The following PDE4D variants were observed in gnomAD, a reference collection of about 807,000 sequenced individuals.
PDE4D encodes the protein phosphodiesterase 4D.
A neutral mutation model predicts 87.4 loss-of-function variants in PDE4D; 24 were observed. That is an observed-to-expected ratio of 0.27 (90% CI 0.20 to 0.39). The LOEUF (loss-of-function observed/expected upper bound fraction) is 0.39, where lower values mean the gene tolerates loss of function less well. Among genes scored for constraint, PDE4D ranks in the 10% least tolerant of loss-of-function variants. The pLI, the probability that PDE4D is intolerant of heterozygous loss-of-function variation, is 1.00. For synonymous variants in PDE4D, 384 were observed against 383.2 expected, an observed-to-expected ratio of 1.00 and a Z score of -0.02; for missense variants, 714 against 1,041.0, an observed-to-expected ratio of 0.69 and a Z score of 4.32.
chr5:59,876,729 A>T (rs975554058), intron 1 of PDE4D, among the ~76,000 whole-genome samples: 1 of 152,184 alleles, frequency 6.6e-6, no homozygotes, highest in Admixed American at 6.5e-5. Context: ...ATGAGGAACA[A>T]TTGGGATAGT....
chr5:59,095,674 C>T (rs931196752), intron 5 of PDE4D, among the ~76,000 whole-genome samples: 1 of 152,036 alleles, frequency 6.6e-6, no homozygotes, highest in Admixed American at 6.5e-5. Context: ...CTAGAATTAC[C>T]CAGACTACCA....
chr5:59,735,347 A>C (rs192905308), intron 1 of PDE4D, among the ~76,000 whole-genome samples: 1 of 152,304 alleles, frequency 6.6e-6, no homozygotes, highest in East Asian at 1.9e-4. Context: ...AATTGTATTC[A>C]GGCAATCTGC....
chr5:59,407,065 G>T (rs936503052), intron 1 of PDE4D, among the ~76,000 whole-genome samples: 8 of 152,128 alleles, frequency 5.3e-5, no homozygotes, highest in Non-Finnish European at 1.0e-4. Context: ...ATTATAGGGT[G>T]GTGTTCCTTG....
At chr5:60,382,885 T>C (rs1309404758) in intron 1 of PDE4D, among the ~76,000 whole-genome samples, 1 of 152,158 alleles carries the variant, frequency 6.6e-6, no homozygotes, top group Non-Finnish European at 1.5e-5. Context: ...CTTCCTTCAA[T>C]GAAGAGTTCC....
At chr5:59,744,792 T>C (rs1404559377) in intron 1 of PDE4D, among the ~76,000 whole-genome samples, 2 of 152,170 alleles carry the variant, frequency 1.3e-5, no homozygotes, top group Non-Finnish European at 2.9e-5. Flanking sequence ...AGTAATCACA[T>C]ATCATGTGAC....
intron 1 of PDE4D, among the ~76,000 whole-genome samples, chr5:59,838,529 A>G (rs1325833179): frequency 6.6e-6 from 1 of 152,072 alleles, no homozygotes; most frequent in Non-Finnish European, 1.5e-5. Flanking sequence ...CCATCCTACT[A>G]GGCTAGTTTT....
In PDE4D at chr5:59,985,194, A is replaced by T. The variant is rs184025749; in HGVS notation, c.272+3294T>A. Among the ~76,000 whole-genome samples, 369 of 139,330 alleles carry T rather than the reference A, an allele frequency of 2.6e-3. 2 individuals carry two copies. The highest frequency in any genetic ancestry group is 4.0e-3 in the Non-Finnish European group (258 of 65,160). The allele number at this position is 139,330 out of a possible 152,430, so 91.4% of individuals were successfully genotyped here. ...CACTCTGTCGCCCAGGCTGGAGTGC[A>T]GTGGCGTAATCTCGGCTCACTGCAA... On this transcript the variant is annotated intron_variant, in intron 3 of 16. Coordinates refer to the PDE4D transcript ENST00000502484.
At chr5:59,628,432 A>T (rs1306015849) in intron 1 of PDE4D, among the ~76,000 whole-genome samples, 1 of 152,246 alleles carries the variant, frequency 6.6e-6, no homozygotes, top group Non-Finnish European at 1.5e-5. Flanking sequence ...ATAGCCACTA[A>T]TGGATATTTA....
At chr5:59,918,904 G>C (rs1016400866) in intron 3 of PDE4D, among the ~76,000 whole-genome samples, 1 of 152,140 alleles carries the variant, frequency 6.6e-6, no homozygotes, top group Non-Finnish European at 1.5e-5. Context: ...CTGACCCTTG[G>C]AAACTGTGAG....
At chr5:59,639,997 C>A (rs1741301636) in intron 1 of PDE4D, among the ~76,000 whole-genome samples, 1 of 150,596 alleles carries the variant, frequency 6.6e-6, no homozygotes, top group African/African-American at 2.4e-5. Context: ...TTATTATAAA[C>A]AATACTGAAT....
chr5:60,231,838 A>G (rs1745843281), intron 1 of PDE4D, among the ~76,000 whole-genome samples: 1 of 151,944 alleles, frequency 6.6e-6, no homozygotes, highest in Non-Finnish European at 1.5e-5. Flanking sequence ...TAAAATCAAG[A>G]TCACAGTTTA....
intron 1 of PDE4D, among the ~76,000 whole-genome samples, chr5:59,656,708 T>C (rs1374001322): frequency 6.6e-6 from 1 of 152,188 alleles, no homozygotes; most frequent in Non-Finnish European, 1.5e-5. Context: ...ATTATGGTAA[T>C]AATACTTATT....
intron 1 of PDE4D, among the ~76,000 whole-genome samples, chr5:59,633,818 A>C (rs186337831): frequency 6.6e-6 from 1 of 152,348 alleles, no homozygotes; most frequent in Non-Finnish European, 1.5e-5. Flanking sequence ...CACTATGAAG[A>C]AACTACATCA....
At chr5:59,647,860 A>C (rs1401400956) in intron 1 of PDE4D, among the ~76,000 whole-genome samples, 1 of 152,178 alleles carries the variant, frequency 6.6e-6, no homozygotes, top group Non-Finnish European at 1.5e-5. Flanking sequence ...ATATGATTTT[A>C]TTTTTATATA....
At chr5:59,696,522 G>A (rs975844057) in intron 1 of PDE4D, among the ~76,000 whole-genome samples, 2 of 152,154 alleles carry the variant, frequency 1.3e-5, no homozygotes, top group Admixed American at 6.5e-5. Context: ...TAAGAATGGC[G>A]CTAGTGGAGA....
intron 1 of PDE4D, among the ~76,000 whole-genome samples, chr5:60,391,897 C>T (rs1184113557): frequency 6.6e-6 from 1 of 152,090 alleles, no homozygotes; most frequent in Non-Finnish European, 1.5e-5. Flanking sequence ...CATGTTTAGC[C>T]CTTACCTTTA....
chr5:59,309,477 T>A (rs1388166160), intron 1 of PDE4D, among the ~76,000 whole-genome samples: 2 of 152,312 alleles, frequency 1.3e-5, no homozygotes, highest in South Asian at 4.1e-4. Flanking sequence ...GCTCTCCACA[T>A]TGACTCAGCT....
At chr5:60,286,377 C>A (rs1301666301) in intron 1 of PDE4D, among the ~76,000 whole-genome samples, 1 of 152,106 alleles carries the variant, frequency 6.6e-6, no homozygotes. Flanking sequence ...AAGTCAGGGC[C>A]ACTTTTTTCT....
chr5:59,926,860 T>C (rs1207515805), intron 3 of PDE4D, among the ~76,000 whole-genome samples: 2 of 152,098 alleles, frequency 1.3e-5, no homozygotes, highest in Non-Finnish European at 2.9e-5. Context: ...TAGTAAGTAA[T>C]GAGATCAAAG....
Sources: allele counts gnomAD v4.1 joint callset (sites outside exome capture counted in the v4.1 genomes callset), GRCh38; gene constraint gnomAD v4.1.1; transcripts MANE v1.5; gene names NCBI Gene and HGNC (gene_info 2026-07-23, HGNC 2026-07-21).